Variants in BMERB1 observed in about 807,000 individuals in gnomAD.
BMERB1 encodes the protein bMERB domain containing 1, also known as bMERB domain-containing protein 1.
In BMERB1, 12 loss-of-function variants were observed where a neutral mutation model predicts 23.6. The observed-to-expected ratio is 0.51, with a 90% CI of 0.33 to 0.82. BMERB1 has a LOEUF of 0.82. Among genes scored for constraint, BMERB1 ranks in the 40% least tolerant of loss-of-function variants. BMERB1 has a pLI of 0.03. For synonymous variants in BMERB1, 122 were observed against 96.6 expected (o/e 1.26, Z -1.54); for missense variants, 247 against 255.4 (o/e 0.97, Z 0.22).
intron 2 of BMERB1, among the ~76,000 whole-genome samples, chr16:15,524,956 A>T (rs1268143337): frequency 1.3e-5 from 2 of 152,070 alleles, no homozygotes; most frequent in Non-Finnish European, 2.9e-5. Context: ...TTGGGTTGGG[A>T]GGGAGATTAC....
chr16:15,445,947 A>G (rs892548281), intron 1 of BMERB1, among the ~76,000 whole-genome samples: 4 of 152,220 alleles, frequency 2.6e-5, no homozygotes, highest in Non-Finnish European at 5.9e-5. Context: ...CACTATGTAA[A>G]TGGATCACAA....
chr16:15,502,382 A>G (rs777299616), intron 1 of BMERB1: 1 of 1,549,524 alleles, frequency 6.5e-7, no homozygotes, highest in South Asian at 1.2e-5. Context: ...GAAAGGTATG[A>G]TCGCTCTTGG....
intron 1 of BMERB1, among the ~76,000 whole-genome samples, chr16:15,466,621 G>T (rs780905178): frequency 1.2e-4 from 18 of 152,008 alleles, no homozygotes; most frequent in Admixed American, 6.6e-4. Flanking sequence ...TACCCCAATG[G>T]TGACATTTTG....
intron 1 of BMERB1, among the ~76,000 whole-genome samples, chr16:15,456,022 G>C (rs560050707): frequency 6.6e-6 from 1 of 152,286 alleles, no homozygotes; most frequent in African/African-American, 2.4e-5. Context: ...ATTCATTGCA[G>C]GGGCCACATA....
intron 3 of BMERB1, among the ~76,000 whole-genome samples, chr16:15,571,388 C>T (rs188529057): frequency 6.0e-5 from 9 of 150,240 alleles, no homozygotes; most frequent in Admixed American, 5.3e-4. Flanking sequence ...GACGGAGTCT[C>T]GCTCTGTCCC....
intron 1 of BMERB1, among the ~76,000 whole-genome samples, chr16:15,500,956 T>C (rs1379874924): frequency 6.6e-6 from 1 of 152,066 alleles, no homozygotes; most frequent in Non-Finnish European, 1.5e-5. Flanking sequence ...CTGGCCTGAA[T>C]TGAGATCTAT....
chr16:15,556,178 C>CAA lies in BMERB1; in HGVS notation c.231-11792_231-11791dup, dbSNP rs879429351. ...GGACGACAAGAGCGAAACTCCATCTCAAAAAAAAAAAAAATAGCATGTGAT... is the reference window on the plus strand; with the variant it reads ...GGACGACAAGAGCGAAACTCCATCTCAAAAAAAAAAAAAAAATAGCATGTGAT... On this transcript the variant is annotated intron_variant, in intron 2 of 5. Coordinates refer to ENST00000300006, the MANE Select transcript of BMERB1 (RefSeq NM_033201.3). 3.5e-3 allele frequency among the ~76,000 whole-genome samples: 461 copies of CAA among 133,298 alleles called. 6 individuals carry two copies. Among genetic ancestry groups the CAA allele is most frequent in the African/African-American group, 0.012 (432 of 36,272 alleles). The allele number at this position is 133,298 out of a possible 152,430, so 87.4% of individuals were successfully genotyped here.
chr16:15,569,703 G>A (rs1254515426), intron 3 of BMERB1, among the ~76,000 whole-genome samples: 2 of 152,154 alleles, frequency 1.3e-5, no homozygotes, highest in Non-Finnish European at 2.9e-5. Flanking sequence ...GCAGGTCCAC[G>A]TGGATCATCA....
intron 1 of BMERB1, among the ~76,000 whole-genome samples, chr16:15,505,324 A>G (rs2150945224): frequency 6.6e-6 from 1 of 152,344 alleles, no homozygotes; most frequent in African/African-American, 2.4e-5. Context: ...CTCCCCAATT[A>G]TCAACCTTTT....
At position 15,585,846 on chromosome 16, in the gene BMERB1, G is replaced by GAA. The variant is rs1196737798; in HGVS notation, c.503-867_503-866dup. Among the ~76,000 whole-genome samples, 9 of 152,070 alleles carry GAA rather than the reference G, an allele frequency of 5.9e-5. 1 individual carries two copies. In the East Asian group the frequency reaches 1.7e-3, roughly 29 times the overall value. On this transcript the variant is annotated intron_variant, in intron 5 of 5. Coordinates refer to ENST00000300006, the MANE Select transcript of BMERB1 (RefSeq NM_033201.3). ...TCCATCTCAAGAAAAGAAAAGAAAA[G>GAA]AAAAACCCATGAAGAACTGAATCAC...
chr16:15,450,736 G>T (rs1285779513), intron 1 of BMERB1, among the ~76,000 whole-genome samples: 2 of 152,190 alleles, frequency 1.3e-5, no homozygotes, highest in Non-Finnish European at 2.9e-5. Flanking sequence ...CTCCCAAAGT[G>T]CTGGGATTAC....
intron 2 of BMERB1, chr16:15,532,841 G>C (rs2051983066): frequency 1.6e-5 from 6 of 374,262 alleles, no homozygotes; most frequent in Non-Finnish European, 2.6e-5. Flanking sequence ...CACCGCGCCT[G>C]GCCAGATCCC....
At chr16:15,443,863 G>A (rs997230878) in intron 1 of BMERB1, among the ~76,000 whole-genome samples, 1 of 151,966 alleles carries the variant, frequency 6.6e-6, no homozygotes, top group African/African-American at 2.4e-5. Flanking sequence ...AGGTTGCAGA[G>A]ATTGCACCAC....
chr16:15,581,411 C>T, intron 4 of BMERB1, 80 bp downstream of exon 4: 1 of 1,167,976 alleles, frequency 8.6e-7, no homozygotes, highest in Non-Finnish European at 1.2e-6. Context: ...TCTTCTGCTC[C>T]TGGGACTCAC....
intron 1 of BMERB1, among the ~76,000 whole-genome samples, chr16:15,451,076 G>A (rs552427517): frequency 6.6e-6 from 1 of 152,182 alleles, no homozygotes; most frequent in East Asian, 1.9e-4. Context: ...TTAAGGGGGC[G>A]TAACCAGCAT....
At chr16:15,506,209 T>C (rs1196393449) in intron 1 of BMERB1, among the ~76,000 whole-genome samples, 1 of 151,970 alleles carries the variant, frequency 6.6e-6, no homozygotes, top group African/African-American at 2.4e-5. Flanking sequence ...GGAGTCTTGC[T>C]CTGTCACCCA....
chr16:15,558,178 C>T (rs1435424876), intron 2 of BMERB1, among the ~76,000 whole-genome samples: 1 of 152,120 alleles, frequency 6.6e-6, no homozygotes, highest in African/African-American at 2.4e-5. Context: ...GCGAACCTGT[C>T]CCCTTCTGCC....
At chr16:15,577,426 C>T (rs1328080482) in intron 3 of BMERB1, among the ~76,000 whole-genome samples, 1 of 152,220 alleles carries the variant, frequency 6.6e-6, no homozygotes. Context: ...TCTGAAGCAA[C>T]TTGATACTTG....
intron 3 of BMERB1, among the ~76,000 whole-genome samples, chr16:15,569,455 A>G (rs1039279014): frequency 3.3e-5 from 5 of 152,124 alleles, no homozygotes; most frequent in Non-Finnish European, 1.5e-5. Flanking sequence ...ATGAGAACTC[A>G]CTATCACAAG....
Sources: gnomAD v4.1 joint callset for allele counts (sites outside exome capture counted in the v4.1 genomes callset) on GRCh38, gnomAD v4.1.1 for gene constraint, MANE v1.5 for transcripts, NCBI Gene and HGNC (gene_info 2026-07-23, HGNC 2026-07-21) for gene names.